The following STPG2 variants were observed in gnomAD, a reference collection of about 807,000 sequenced individuals.
The protein encoded by STPG2 is sperm tail PG-rich repeat containing 2, also known as sperm-tail PG-rich repeat-containing protein 2.
Under a neutral mutation model 54.2 loss-of-function variants are expected in STPG2, and 56 were observed. That is an observed-to-expected ratio of 1.03 (90% CI 0.83 to 1.29). The LOEUF (loss-of-function observed/expected upper bound fraction) is 1.29. Ranked by LOEUF, STPG2 falls within the 50% of genes most tolerant of loss-of-function variation. The pLI, the probability that STPG2 is intolerant of heterozygous loss-of-function variation, is 0.00. For missense variants in STPG2, 596 were observed against 544.9 expected, an observed-to-expected ratio of 1.09 and a Z score of -0.93; for synonymous variants, 200 against 181.8, an observed-to-expected ratio of 1.10 and a Z score of -0.81.
intron 4 of STPG2, among the ~76,000 whole-genome samples, chr4:97,517,751 C>G (rs1731104563): frequency 6.6e-6 from 1 of 152,056 alleles, no homozygotes; most frequent in Non-Finnish European, 1.5e-5. Flanking sequence ...AACCACATTA[C>G]TAAATCCATT....
chr4:98,032,267 A>G (rs894498181), intron 5 of STPG2, among the ~76,000 whole-genome samples: 1 of 152,216 alleles, frequency 6.6e-6, no homozygotes, highest in African/African-American at 2.4e-5. Flanking sequence ...TTGCACATGC[A>G]TGTTTATAGC....
intron 9 of STPG2, among the ~76,000 whole-genome samples, chr4:97,761,808 CT>C (rs2149054209): frequency 6.6e-6 from 1 of 152,220 alleles, no homozygotes; most frequent in African/African-American, 2.4e-5. Context: ...TGTCCTGAGG[CT>C]TTTATCTTCC....
chr4:98,133,205 T>C (rs1037469778), intron 2 of STPG2, among the ~76,000 whole-genome samples: 1 of 152,012 alleles, frequency 6.6e-6, no homozygotes, highest in African/African-American at 2.4e-5. Context: ...ATCTGAAAAT[T>C]ATCAATTGAC....
At chr4:97,900,773 TG>T (rs1453498709) in intron 8 of STPG2, among the ~76,000 whole-genome samples, 1 of 151,750 alleles carries the variant, frequency 6.6e-6, no homozygotes, top group Non-Finnish European at 1.5e-5. Flanking sequence ...AGTCTACTTG[TG>T]GGTGGAGGGT....
intron 4 of STPG2, among the ~76,000 whole-genome samples, chr4:97,550,534 A>T (rs1450341551): frequency 6.6e-6 from 1 of 152,108 alleles, no homozygotes; most frequent in African/African-American, 2.4e-5. Flanking sequence ...TATATTTACT[A>T]CCTTGTATGG....
intron 9 of STPG2, among the ~76,000 whole-genome samples, chr4:97,773,269 T>C (rs1480666870): frequency 6.6e-6 from 1 of 152,066 alleles, no homozygotes; most frequent in South Asian, 2.1e-4. Flanking sequence ...CCAAATTACA[T>C]TATTGGTGCT....
intron 10 of STPG2, among the ~76,000 whole-genome samples, chr4:97,606,455 T>C (rs1733594780): frequency 6.6e-6 from 1 of 151,808 alleles, no homozygotes; most frequent in African/African-American, 2.4e-5. Flanking sequence ...AGTGTAAAAA[T>C]ATTTTATTGG....
chr4:97,653,567 A>G (rs1276440152), intron 10 of STPG2, among the ~76,000 whole-genome samples: 1 of 152,138 alleles, frequency 6.6e-6, no homozygotes, highest in Non-Finnish European at 1.5e-5. Context: ...AAAGAAAACA[A>G]TTACATACAT....
intron 4 of STPG2, among the ~76,000 whole-genome samples, chr4:97,537,425 A>T (rs1046096885): frequency 6.6e-6 from 1 of 152,118 alleles, no homozygotes; most frequent in Non-Finnish European, 1.5e-5. Context: ...AGGGTCCCAC[A>T]CCCTCAGAGC....
At chr4:97,777,535 C>T (rs779340652) in intron 9 of STPG2, among the ~76,000 whole-genome samples, 1 of 152,150 alleles carries the variant, frequency 6.6e-6, no homozygotes, top group African/African-American at 2.4e-5. Context: ...AGCCATGTTG[C>T]TATACCTGGT....
chr4:98,105,865 A>T, intron 5 of STPG2, 88 bp downstream of exon 5: 2 of 1,138,600 alleles, frequency 1.8e-6, no homozygotes, highest in Non-Finnish European at 2.5e-6. Flanking sequence ...CAGGCACATT[A>T]GATCAAAGAG....
intron 5 of STPG2, among the ~76,000 whole-genome samples, chr4:98,102,387 A>T (rs1739064440): frequency 6.6e-6 from 1 of 152,222 alleles, no homozygotes; most frequent in South Asian, 2.1e-4. Context: ...GTGCTACAAC[A>T]GCAGTTGAGT....
chr4:97,863,866 T>C lies in STPG2; in HGVS notation c.1045-22934A>G, dbSNP rs192063497. On this transcript the variant is annotated intron_variant, in intron 8 of 10. Coordinates refer to ENST00000295268, the MANE Select transcript of STPG2 (RefSeq NM_174952.3). ...GACAAAAAACACATGATTATCTCAA[T>C]AGATGCAGAAAAGGCCTTTGACAAA... 2.0e-5 allele frequency among the ~76,000 whole-genome samples: 3 copies of C among 152,266 alleles called. No homozygotes were observed. The East Asian group carries it at 5.8e-4, about 29-fold the overall frequency.
intron 8 of STPG2, among the ~76,000 whole-genome samples, chr4:97,846,071 A>G (rs1374319907): frequency 6.6e-6 from 1 of 152,106 alleles, no homozygotes; most frequent in Non-Finnish European, 1.5e-5. Context: ...CTGATTCTTT[A>G]CTATGAAGTA....
chr4:97,568,915 TG>T (rs1445364125), intron 10 of STPG2, among the ~76,000 whole-genome samples: 1 of 151,860 alleles, frequency 6.6e-6, no homozygotes. Flanking sequence ...TTTTTTTGTT[TG>T]TTTGTTTTGT....
At chr4:97,522,826 G>C (rs1188126275) in intron 4 of STPG2, among the ~76,000 whole-genome samples, 2 of 151,974 alleles carry the variant, frequency 1.3e-5, no homozygotes, top group Admixed American at 6.6e-5. Context: ...TTAAACTTAA[G>C]CACAATGGTT....
At chr4:97,967,173 G>C (rs182346143) in intron 7 of STPG2, among the ~76,000 whole-genome samples, 8 of 88,034 alleles carry the variant, frequency 9.1e-5, no homozygotes, top group East Asian at 3.2e-4. Flanking sequence ...GATTTACCAA[G>C]CAAATGGTAA....
chr4:98,112,750 T>C (rs1739400767), intron 3 of STPG2, among the ~76,000 whole-genome samples: 1 of 152,088 alleles, frequency 6.6e-6, no homozygotes, highest in Non-Finnish European at 1.5e-5. Flanking sequence ...AAACAAGAAG[T>C]CGTCTGCTAT....
At chr4:97,955,582 T>A (rs1352381674) in intron 7 of STPG2, among the ~76,000 whole-genome samples, 1 of 151,872 alleles carries the variant, frequency 6.6e-6, no homozygotes, top group South Asian at 2.1e-4. Flanking sequence ...TTTATGAGAG[T>A]CTCAGAAAGA....
Sources: gnomAD v4.1 joint callset for allele counts (sites outside exome capture counted in the v4.1 genomes callset) on GRCh38, gnomAD v4.1.1 for gene constraint, MANE v1.5 for transcripts, NCBI Gene and HGNC (gene_info 2026-07-23, HGNC 2026-07-21) for gene names.